Variants in FCHO1 observed in about 807,000 individuals in gnomAD.
FCHO1 encodes F-BAR domain only protein 1.
A neutral mutation model predicts 114.4 loss-of-function variants in FCHO1; 45 were observed. The ratio of observed to expected loss-of-function variants is 0.39; its 90% confidence interval spans 0.31 to 0.50. The LOEUF is 0.50. Among genes scored for constraint, FCHO1 ranks in the 20% least tolerant of loss-of-function variants. The probability of loss-of-function intolerance (pLI) is 0.77; values close to 1 mark genes in which losing one functional copy is unlikely to be tolerated. For synonymous variants in FCHO1, 480 were observed against 488.9 expected (o/e 0.98, Z 0.24); for missense variants, 1,042 against 1,209.6 (o/e 0.86, Z 2.06).
rs903439360 is a variant in FCHO1, at chr19:17,756,352, G to C, written c.27+1161G>C. ...TGCCGTGTAATGGAGGTGACCATTTGAGGATCAAAAGTCACCTGCATTTTG... is the reference window on the plus strand; with the variant it reads ...TGCCGTGTAATGGAGGTGACCATTTCAGGATCAAAAGTCACCTGCATTTTG... On this transcript the variant is annotated intron_variant, in intron 4 of 28. Transcript: ENST00000596536. Among the ~76,000 whole-genome samples, 17 of 152,310 alleles carry C rather than the reference G, an allele frequency of 1.1e-4. No homozygotes were observed. The South Asian group carries it at 1.9e-3, about 17-fold the overall frequency.
upstream of FCHO1, among the ~76,000 whole-genome samples, chr19:17,750,990 G>A (rs1209235115): frequency 6.6e-6 from 1 of 151,342 alleles, no homozygotes; most frequent in Non-Finnish European, 1.5e-5. Flanking sequence ...TACAGGCATG[G>A]GCCACCACGC....
rs923831770 is a variant in FCHO1, at chr19:17,775,277, C to A, written c.946-179C>A. Among the ~76,000 whole-genome samples the A allele has an allele frequency of 6.6e-6, 1 of 152,090 alleles. No individual in the cohort carries two copies. The highest frequency in any genetic ancestry group is 2.4e-5 in the African/African-American group (1 of 41,390). On this transcript the variant is annotated intron_variant, in intron 14 of 28. Transcript: ENST00000596536. This position sits in a 1 kb window ranked among gnomAD's most constrained non-coding sequence, Gnocchi z 5.1. ...ACGTGGGTGTGAATAATGTCCCTGC[C>A]GAAGCTCAGTTTGTCCCAGGAACCT...
chr19:17,779,006 T>C, intron 20 of FCHO1, 122 bp downstream of exon 20: 1 of 1,067,060 alleles, frequency 9.4e-7, no homozygotes, highest in Non-Finnish European at 1.3e-6. Context: ...AGGCAGAACC[T>C]CCCACCGTTG....
intron 7 of FCHO1, among the ~76,000 whole-genome samples, chr19:17,767,563 T>TAAAAA (rs34862065): frequency 6.1e-5 from 7 of 114,268 alleles, no homozygotes; most frequent in African/African-American, 2.1e-4. Context: ...AAAGACTGTC[T>TAAAAA]AAAAAAAAAA....
intron 4 of FCHO1, among the ~76,000 whole-genome samples, chr19:17,756,628 G>A (rs2083620100): frequency 6.6e-6 from 1 of 152,148 alleles, no homozygotes; most frequent in South Asian, 2.1e-4. Flanking sequence ...CTGGGAAAAA[G>A]GGATGAAATT....
In FCHO1 at chr19:17,761,633, C is replaced by CATATATATATATATATATATAT. The variant is rs55848959; in HGVS notation, c.28-1108_28-1107insTATATATATATATATATATATA. On this transcript the variant is annotated intron_variant, in intron 4 of 28. Coordinates refer to ENST00000596536, the MANE Select transcript of FCHO1 (RefSeq NM_015122.3). ...AATTTGACTTCTTTTCATGTATATACATATATATATATATATATATACACA... is the reference window on the plus strand; with the variant it reads ...AATTTGACTTCTTTTCATGTATATACATATATATATATATATATATATATATATATATATATATATATACACA... Among the ~76,000 whole-genome samples the CATATATATATATATATATATAT allele has an allele frequency of 5.5e-3, 790 of 142,494 alleles. 5 individuals carry two copies. Among genetic ancestry groups the CATATATATATATATATATATAT allele is most frequent in the Non-Finnish European group, 9.6e-3 (631 of 65,660 alleles). 93.5% of individuals were successfully genotyped at this position (142,494 alleles called of 152,430 possible). A position where few individuals can be genotyped will look rare whatever the true frequency, so the allele number is the denominator to read the frequency against.
At chr19:17,777,535 CAAAAAAAAAAAA>C (rs34293409) in intron 18 of FCHO1, among the ~76,000 whole-genome samples, 2 of 74,808 alleles carry the variant, frequency 2.7e-5, no homozygotes, top group Non-Finnish European at 5.0e-5. Context: ...AACTCCGTCT[CAAAAAAAAAAAA>C]AAAAAAAAAA....
upstream of FCHO1, among the ~76,000 whole-genome samples, chr19:17,750,659 A>G (rs1238401702): frequency 1.3e-5 from 2 of 150,162 alleles, no homozygotes; most frequent in South Asian, 2.1e-4. Flanking sequence ...GGGTTTTACC[A>G]TGTTGCCCAG....
At chr19:17,772,824 T>A (rs1376682004) in intron 11 of FCHO1, 83 bp downstream of exon 11, 3 of 942,260 alleles carry the variant, frequency 3.2e-6, no homozygotes, top group East Asian at 5.3e-5. Context: ...GCTAATTTTT[T>A]TTTTATTTTT....
At position 17,755,059 on chromosome 19, in the gene FCHO1, C is replaced by T. The variant is rs1466284665; in HGVS notation, c.-47-59C>T. 5 of 1,057,556 alleles carry T rather than the reference C, an allele frequency of 4.7e-6. No individual in the cohort carries two copies. In the East Asian group the frequency reaches 7.1e-5, roughly 15 times the overall value. 65.5% of individuals were successfully genotyped at this position (1,057,556 alleles called of 1,614,324 possible). ...TCCTTCCTCTACAGGGAGGGACTTTCCCCCCACCAAGCCCACACTGGCAAT... is the reference window on the plus strand; with the variant it reads ...TCCTTCCTCTACAGGGAGGGACTTTTCCCCCACCAAGCCCACACTGGCAAT... On this transcript the variant is annotated intron_variant, in intron 3 of 28. Transcript: ENST00000596536.
At chr19:17,773,903 CTTTT>C (rs58272005) in intron 11 of FCHO1, among the ~76,000 whole-genome samples, 2 of 132,810 alleles carry the variant, frequency 1.5e-5, no homozygotes. Flanking sequence ...CTCTCTCTCT[CTTTT>C]TTTTTTTTTT....
chr19:17,763,782 C>T (rs757497184), intron 5 of FCHO1, among the ~76,000 whole-genome samples: 1 of 151,774 alleles, frequency 6.6e-6, no homozygotes, highest in Non-Finnish European at 1.5e-5. Flanking sequence ...AGGGTGGTCT[C>T]GAACCCCTGG....
intron 7 of FCHO1, among the ~76,000 whole-genome samples, chr19:17,770,151 A>G (rs545942968): frequency 3.0e-4 from 45 of 152,204 alleles, no homozygotes; most frequent in Middle Eastern, 3.4e-3. Flanking sequence ...AATACAAAAA[A>G]TTATCTGGGT....
upstream of FCHO1, among the ~76,000 whole-genome samples, chr19:17,751,181 A>C (rs1396362941): frequency 6.6e-6 from 1 of 152,132 alleles, no homozygotes; most frequent in Non-Finnish European, 1.5e-5. This position sits in a 1 kb window ranked among gnomAD's most constrained non-coding sequence, Gnocchi z 4.4. Flanking sequence ...TCTGAGCCTC[A>C]GTTTGCCCAG....
intron 26 of FCHO1, 96 bp downstream of exon 26, chr19:17,785,020 CTGACCGT>C (rs1326975944): frequency 7.9e-7 from 1 of 1,269,638 alleles, no homozygotes; most frequent in African/African-American, 1.5e-5. Context: ...CACCCTCGGC[CTGACCGT>C]TAACTGTGAG....
At chr19:17,788,240 A>AACCCCCCC in intron 28 of FCHO1, 44 bp from the exon 29 acceptor site, 1 of 655,838 alleles carries the variant, frequency 1.5e-6, no homozygotes, top group Non-Finnish European at 2.7e-6. Flanking sequence ...CCCCTCCCGT[A>AACCCCCCC]CCCCTCCTCC....
At chr19:17,769,577 TCAAACACACACACACA>T (rs775821513) in intron 7 of FCHO1, among the ~76,000 whole-genome samples, 1 of 114,432 alleles carries the variant, frequency 8.7e-6, no homozygotes, top group Non-Finnish European at 1.8e-5. Flanking sequence ...AGACTTCGTC[TCAAACACACACACACA>T]CACACACACA....
At chr19:17,788,074 G>A (rs1263541884) in intron 28 of FCHO1, among the ~76,000 whole-genome samples, 2 of 151,990 alleles carry the variant, frequency 1.3e-5, no homozygotes, top group African/African-American at 4.8e-5. Context: ...CAGGGAGCCC[G>A]AAGTCCCCCC....
At chr19:17,781,679 C>G (rs778285165) in intron 22 of FCHO1, 33 bp from the exon 23 acceptor site, 1 of 1,558,780 alleles carries the variant, frequency 6.4e-7, no homozygotes, top group African/African-American at 1.4e-5. Flanking sequence ...ACTGTCTATC[C>G]GTTGTTCCCC....
Sources: allele counts gnomAD v4.1 joint callset (sites outside exome capture counted in the v4.1 genomes callset), GRCh38; gene constraint gnomAD v4.1.1; non-coding constraint Gnocchi (gnomAD v3.1); transcripts MANE v1.5; gene names NCBI Gene and HGNC (gene_info 2026-07-23, HGNC 2026-07-21).